The following NELL1 variants were observed in gnomAD, a reference collection of about 807,000 sequenced individuals.
NELL1 encodes protein kinase C-binding protein NELL1.
Under a neutral mutation model 107.4 loss-of-function variants are expected in NELL1, and 76 were observed. The ratio of observed to expected loss-of-function variants is 0.71; its 90% CI spans 0.59 to 0.86. The LOEUF is 0.86. Ranked by LOEUF, NELL1 falls within the 40% of genes least tolerant of loss-of-function variation. The pLI, the probability that NELL1 is intolerant of heterozygous loss-of-function variation, is 0.00. For missense variants in NELL1, 1,024 were observed against 1,005.5 expected, an observed-to-expected ratio of 1.02 and a Z score of -0.25; for synonymous variants, 353 against 341.2, an observed-to-expected ratio of 1.03 and a Z score of -0.38.
At position 21,573,532 on chromosome 11, in the gene NELL1, A is replaced by G. The variant is rs188267651; in HGVS notation, c.2382+123A>G. 4.2e-5 allele frequency: 35 copies of G among 824,594 alleles called. No homozygotes were observed. The East Asian group carries it at 6.6e-4, about 16-fold the overall frequency. The allele number at this position is 824,594 out of a possible 1,614,324, so 51.1% of individuals were successfully genotyped here. On this transcript the variant is annotated intron_variant, in intron 19 of 19. Coordinates refer to ENST00000357134, the MANE Select transcript of NELL1 (RefSeq NM_006157.5). Reference sequence around the variant, plus strand: ...GGACATGGTGGAAACTCTGGCATACATTTACTTCTCATAGGAATTTAATAT... The same window carrying G: ...GGACATGGTGGAAACTCTGGCATACGTTTACTTCTCATAGGAATTTAATAT...
At chr11:21,231,238 C>A (rs1270170178) in intron 14 of NELL1, among the ~76,000 whole-genome samples, 1 of 151,982 alleles carries the variant, frequency 6.6e-6, no homozygotes, top group Non-Finnish European at 1.5e-5. Flanking sequence ...TATCTATATA[C>A]ATATTTATGT....
chr11:20,700,911 A>G lies in NELL1; in HGVS notation c.184+22851A>G, dbSNP rs1292793458. Among the ~76,000 whole-genome samples the G allele has an allele frequency of 2.0e-5, 3 of 152,036 alleles. No individual in the cohort carries two copies. In the South Asian group the frequency reaches 6.2e-4, roughly 32 times the overall value. The stretch of plus-strand genomic sequence containing the variant: ...ATTTTCTTAACCCAATCTATCACTG[A>G]TGGACATTTGGGTCAGTTCCAAGTC... On this transcript the variant is annotated intron_variant, in intron 2 of 19. Coordinates refer to ENST00000357134, the MANE Select transcript of NELL1 (RefSeq NM_006157.5).
chr11:21,284,815 A>G (rs1281306415), intron 14 of NELL1: 1 of 331,370 alleles, frequency 3.0e-6, no homozygotes, highest in South Asian at 2.5e-5. Context: ...CTCCACTCCT[A>G]TGCCACCCAC....
chr11:21,395,579 A>T (rs1851962813), intron 15 of NELL1, among the ~76,000 whole-genome samples: 1 of 151,558 alleles, frequency 6.6e-6, no homozygotes, highest in Admixed American at 6.6e-5. Flanking sequence ...CACTTCACCC[A>T]CTAAAATGGC....
chr11:20,993,791 AT>A (rs1046200047), intron 12 of NELL1, among the ~76,000 whole-genome samples: 2 of 150,806 alleles, frequency 1.3e-5, no homozygotes, highest in East Asian at 2.0e-4. Context: ...ACAAACATCA[AT>A]TTTTTTCCCC....
chr11:21,409,526 A>T (rs1852323415), intron 15 of NELL1, among the ~76,000 whole-genome samples: 1 of 152,044 alleles, frequency 6.6e-6, no homozygotes. Flanking sequence ...GCACATGTAT[A>T]CATATGTAAC....
chr11:20,947,664 T>C (rs571067759), intron 11 of NELL1, among the ~76,000 whole-genome samples: 1 of 152,344 alleles, frequency 6.6e-6, no homozygotes, highest in Non-Finnish European at 1.5e-5. Flanking sequence ...TTAAATGGGA[T>C]AATGCATAAG....
At chr11:20,909,493 GGAA>G (rs1334063993) in intron 5 of NELL1, among the ~76,000 whole-genome samples, 8 of 152,130 alleles carry the variant, frequency 5.3e-5, no homozygotes, top group African/African-American at 1.4e-4. Flanking sequence ...TCCAGGGCCG[GGAA>G]GAAGAATCTT....
chr11:21,416,241 CAG>C (rs1304083381), intron 15 of NELL1, among the ~76,000 whole-genome samples: 3 of 152,054 alleles, frequency 2.0e-5, no homozygotes, highest in African/African-American at 7.2e-5. Flanking sequence ...TAAGAAAAGA[CAG>C]AGTTTTTAAA....
chr11:20,721,307 G>A (rs1007925255), intron 2 of NELL1, among the ~76,000 whole-genome samples: 1 of 150,084 alleles, frequency 6.7e-6, no homozygotes, highest in Admixed American at 6.7e-5. Flanking sequence ...TACGAATTTT[G>A]TATCAACAGG....
chr11:20,898,274 C>T (rs1849794115), intron 5 of NELL1, among the ~76,000 whole-genome samples: 1 of 152,048 alleles, frequency 6.6e-6, no homozygotes, highest in Non-Finnish European at 1.5e-5. Flanking sequence ...TTTGTAGGGA[C>T]ATGGATGAAG....
chr11:21,299,511 A>ATGTGTGTGTGTGTGTGTG (rs71063696), intron 14 of NELL1, among the ~76,000 whole-genome samples: 1 of 136,396 alleles, frequency 7.3e-6, no homozygotes, highest in Non-Finnish European at 1.6e-5. Context: ...ATTGTCTTAT[A>ATGTGTGTGTGTGTGTGTG]TGTGTGTGTG....
chr11:21,166,989 A>C (rs931895434), intron 13 of NELL1, among the ~76,000 whole-genome samples: 1 of 151,938 alleles, frequency 6.6e-6, no homozygotes, highest in South Asian at 2.1e-4. Flanking sequence ...CTGTATATTT[A>C]TTAGGGTTCT....
chr11:20,895,710 C>T lies in NELL1; in HGVS notation c.603+10170C>T, dbSNP rs375720341. On this transcript the variant is annotated intron_variant, in intron 5 of 19. Coordinates refer to ENST00000357134, the MANE Select transcript of NELL1 (RefSeq NM_006157.5). ...TTTAGTAGAGACGGGGTTTCACTGT[C>T]TTGGCCAGGCTGGTCTTGAACTCCT... Among the ~76,000 whole-genome samples the T allele has an allele frequency of 9.2e-5, 14 of 151,724 alleles. No homozygotes were observed. In the East Asian group the frequency reaches 2.5e-3, roughly 28 times the overall value.
intron 2 of NELL1, among the ~76,000 whole-genome samples, chr11:20,737,675 T>C (rs1855793850): frequency 6.6e-6 from 1 of 152,058 alleles, no homozygotes; most frequent in Non-Finnish European, 1.5e-5. Context: ...TTATTATTAT[T>C]ATACATCTCC....
At chr11:20,705,882 A>G (rs963528355) in intron 2 of NELL1, among the ~76,000 whole-genome samples, 1 of 152,194 alleles carries the variant, frequency 6.6e-6, no homozygotes, top group African/African-American at 2.4e-5. Context: ...TCTCATAAGA[A>G]GACATTTATG....
chr11:20,752,665 A>C (rs1856168611), intron 2 of NELL1, among the ~76,000 whole-genome samples: 1 of 152,238 alleles, frequency 6.6e-6, no homozygotes, highest in Non-Finnish European at 1.5e-5. Flanking sequence ...CTTTGGAAGT[A>C]GTCATTTCAA....
chr11:21,391,086 A>C (rs1851866629), intron 15 of NELL1, among the ~76,000 whole-genome samples: 1 of 151,876 alleles, frequency 6.6e-6, no homozygotes, highest in African/African-American at 2.4e-5. Flanking sequence ...TGCACATCTG[A>C]AAATGTTTTT....
intron 15 of NELL1, among the ~76,000 whole-genome samples, chr11:21,508,466 A>G (rs1855352429): frequency 6.6e-6 from 1 of 152,190 alleles, no homozygotes; most frequent in Non-Finnish European, 1.5e-5. Context: ...GATATTTACA[A>G]AACATTGCAG....
Sources: gnomAD v4.1 joint callset for allele counts (sites outside exome capture counted in the v4.1 genomes callset) on GRCh38, gnomAD v4.1.1 for gene constraint, MANE v1.5 for transcripts, NCBI Gene and HGNC (gene_info 2026-07-23, HGNC 2026-07-21) for gene names.